Variants in PDZD2 observed in about 807,000 individuals in gnomAD.
PDZD2 encodes the protein PDZ domain containing 2.
A neutral mutation model predicts 220.7 loss-of-function variants in PDZD2; 90 were observed. That is an observed-to-expected ratio of 0.41 (90% CI 0.34 to 0.49). PDZD2 has a LOEUF of 0.49. Ranked by LOEUF, PDZD2 falls within the 20% of genes least tolerant of loss-of-function variation. The pLI is 0.28. For missense variants in PDZD2, 3,174 were observed against 3,608.5 expected (o/e 0.88, Z 3.08); for synonymous variants, 1,375 against 1,450.5 (o/e 0.95, Z 1.18).
chr5:32,057,614 T>G, intron 10 of PDZD2, 41 bp from the exon 11 acceptor site: 1 of 1,187,780 alleles, frequency 8.4e-7, no homozygotes. Flanking sequence ...TCCAGGAAAT[T>G]AAAGGCTAAT....
intron 6 of PDZD2, among the ~76,000 whole-genome samples, chr5:32,013,666 A>G (rs568300052): frequency 5.1e-4 from 77 of 152,120 alleles, no homozygotes; most frequent in African/African-American, 1.8e-3. Flanking sequence ...CCGTCATGCC[A>G]CCAGAAGCTC....
chr5:31,924,972 G>A (rs540487375), intron 2 of PDZD2, among the ~76,000 whole-genome samples: 1 of 152,324 alleles, frequency 6.6e-6, no homozygotes, highest in East Asian at 1.9e-4. Context: ...GCTGGATTGA[G>A]TTTCCAAAAC....
At chr5:31,938,537 C>T (rs1347801299) in intron 2 of PDZD2, among the ~76,000 whole-genome samples, 1 of 152,136 alleles carries the variant, frequency 6.6e-6, no homozygotes, top group Non-Finnish European at 1.5e-5. Flanking sequence ...GTGTGCCCTA[C>T]TGGAAGAACC....
At chr5:31,683,032 CT>C (rs1278549131) in intron 1 of PDZD2, among the ~76,000 whole-genome samples, 5 of 152,096 alleles carry the variant, frequency 3.3e-5, no homozygotes, top group African/African-American at 1.2e-4. Context: ...CCATCTCCCC[CT>C]GACCCCTGCC....
intron 6 of PDZD2, among the ~76,000 whole-genome samples, chr5:32,035,124 T>TG (rs1755432234): frequency 6.6e-6 from 1 of 152,212 alleles, no homozygotes; most frequent in African/African-American, 2.4e-5. Context: ...GAAAGATACT[T>TG]GAACTTGAGG....
chr5:31,765,771 C>A (rs1355809762), intron 1 of PDZD2, among the ~76,000 whole-genome samples: 1 of 152,144 alleles, frequency 6.6e-6, no homozygotes, highest in Non-Finnish European at 1.5e-5. Flanking sequence ...CTGGATGGGA[C>A]CTTTGCAGGG....
intron 2 of PDZD2, 118 bp from the exon 3 acceptor site, chr5:31,983,037 T>C (rs1383456244): frequency 7.5e-6 from 7 of 934,842 alleles, no homozygotes; most frequent in Non-Finnish European, 1.1e-5. Context: ...GGAAGCTCAA[T>C]ACCTCAGTCC....
rs552314127 is a variant in PDZD2 at position 31,644,323 on chromosome 5, T to C, written c.-361+4886T>C. Among the ~76,000 whole-genome samples the C allele has an allele frequency of 2.6e-5, 4 of 152,304 alleles. No homozygotes were observed. The East Asian group carries it at 7.7e-4, about 29-fold the overall frequency. On this transcript the variant is annotated intron_variant, in intron 1 of 24. Coordinates refer to ENST00000438447, the MANE Select transcript of PDZD2 (RefSeq NM_178140.4). ...CTTTAGAAATAGAGAAAAGATGGAA[T>C]TGGAAAAGAATACATTTCCCATGGG...
intron 8 of PDZD2, among the ~76,000 whole-genome samples, chr5:32,051,421 T>A (rs1738538471): frequency 6.6e-6 from 1 of 152,238 alleles, no homozygotes; most frequent in Non-Finnish European, 1.5e-5. Flanking sequence ...TGGGGACATC[T>A]AATTTTTGTG....
intron 21 of PDZD2, 31 bp from the exon 22 acceptor site, chr5:32,097,248 T>C: frequency 7.0e-7 from 1 of 1,424,876 alleles, no homozygotes; most frequent in Non-Finnish European, 9.9e-7. Flanking sequence ...CAGCTGTAGC[T>C]CAAAGGATAA....
chr5:31,985,932 G>A (rs950297371), intron 3 of PDZD2, among the ~76,000 whole-genome samples: 82 of 151,838 alleles, frequency 5.4e-4, no homozygotes, highest in African/African-American at 1.7e-3. Flanking sequence ...AAAACTAGCC[G>A]GGCATGGTGG....
intron 2 of PDZD2, among the ~76,000 whole-genome samples, chr5:31,972,192 C>A (rs1057502102): frequency 6.6e-6 from 1 of 152,212 alleles, no homozygotes; most frequent in African/African-American, 2.4e-5. Flanking sequence ...TGGTTCACTA[C>A]AGCCTCTGCC....
At chr5:31,971,241 G>A (rs545093367) in intron 2 of PDZD2, among the ~76,000 whole-genome samples, 32 of 152,360 alleles carry the variant, frequency 2.1e-4, no homozygotes, top group Non-Finnish European at 4.3e-4. Context: ...TTGGTGTCTA[G>A]TAAGGGTGTG....
At chr5:31,805,239 T>A (rs1362163831) in intron 2 of PDZD2, among the ~76,000 whole-genome samples, 1 of 152,124 alleles carries the variant, frequency 6.6e-6, no homozygotes, top group African/African-American at 2.4e-5. Context: ...TAATATAGAC[T>A]CCTTTTGGCA....
intron 1 of PDZD2, among the ~76,000 whole-genome samples, chr5:31,747,081 A>AG (rs1750647377): frequency 2.6e-5 from 4 of 152,200 alleles, no homozygotes; most frequent in Admixed American, 6.5e-5. Context: ...AGGCTGAGGC[A>AG]GGAGAATCGT....
At chr5:31,944,579 G>A (rs1381236122) in intron 2 of PDZD2, among the ~76,000 whole-genome samples, 2 of 152,226 alleles carry the variant, frequency 1.3e-5, no homozygotes, top group South Asian at 2.1e-4. Flanking sequence ...TTCCAGGAGA[G>A]GAAATGTGGG....
rs553160275 is a variant in PDZD2 at position 31,797,800 on chromosome 5, A to G, written c.-360-1089A>G. On this transcript the variant is annotated intron_variant, in intron 1 of 24. Transcript: ENST00000438447. ...AGTAATAAGGTCATTTATTATTGAC[A>G]TGGCTTCTGACACCTCTCCCATGCA... is the stretch of plus-strand genomic sequence containing the variant. Among the ~76,000 whole-genome samples, 162 of 152,352 alleles carry G rather than the reference A, an allele frequency of 1.1e-3. 8 individuals are homozygous for G. The South Asian group carries it at 0.032, about 30-fold the overall frequency.
At chr5:31,914,273 C>T (rs549209508) in intron 2 of PDZD2, among the ~76,000 whole-genome samples, 4 of 152,290 alleles carry the variant, frequency 2.6e-5, no homozygotes, top group Non-Finnish European at 4.4e-5. Flanking sequence ...GGCTCACGCC[C>T]GTAATCCCAA....
chr5:31,803,841 G>A (rs927950184), intron 2 of PDZD2, among the ~76,000 whole-genome samples: 13 of 152,052 alleles, frequency 8.5e-5, no homozygotes, highest in African/African-American at 2.7e-4. Context: ...TTCAAGACCA[G>A]CCTGGGCAAC....
Sources: gnomAD v4.1 joint callset for allele counts (sites outside exome capture counted in the v4.1 genomes callset) on GRCh38, gnomAD v4.1.1 for gene constraint, MANE v1.5 for transcripts, NCBI Gene and HGNC (gene_info 2026-07-23, HGNC 2026-07-21) for gene names.